GALNT2: variants seen among roughly 807,000 people sequenced by gnomAD.
The protein encoded by GALNT2 is polypeptide N-acetylgalactosaminyltransferase 2.
GALNT2 carries 31 observed loss-of-function variants against 81.4 expected under a neutral mutation model. The observed-to-expected ratio is 0.38, with a 90% CI of 0.29 to 0.51. The LOEUF (loss-of-function observed/expected upper bound fraction) is 0.51, where lower values mean the gene tolerates loss of function less well. GALNT2 is among the 20% of genes least tolerant of loss of function. The pLI is 0.87. For missense variants in GALNT2, 629 were observed against 765.7 expected, an observed-to-expected ratio of 0.82 and a Z score of 2.11; for synonymous variants, 303 against 287.4, an observed-to-expected ratio of 1.05 and a Z score of -0.55.
chr1:230,142,911 G>T (rs763933052), intron 1 of GALNT2, among the ~76,000 whole-genome samples: 6 of 152,204 alleles, frequency 3.9e-5, no homozygotes, highest in Non-Finnish European at 8.8e-5. Flanking sequence ...CCTGGGAGAA[G>T]GTTTGAGCTC....
At chr1:230,153,809 G>A (rs1662164087) in intron 1 of GALNT2, among the ~76,000 whole-genome samples, 1 of 152,214 alleles carries the variant, frequency 6.6e-6, no homozygotes, top group South Asian at 2.1e-4. Context: ...TGGCCTCGGG[G>A]GCCCCTGGTT....
At chr1:230,079,255 G>C (rs1313215388) in intron 1 of GALNT2, among the ~76,000 whole-genome samples, 1 of 152,258 alleles carries the variant, frequency 6.6e-6, no homozygotes, top group Admixed American at 6.5e-5. Context: ...TCTTCTGTAA[G>C]GTATAATTCC....
chr1:230,127,320 C>T (rs1026896607), intron 1 of GALNT2, among the ~76,000 whole-genome samples: 2 of 152,004 alleles, frequency 1.3e-5, no homozygotes, highest in Non-Finnish European at 2.9e-5. Context: ...TGACACCTCC[C>T]CCTTCATCCC....
chr1:230,131,896 C>T (rs916562382), intron 1 of GALNT2, among the ~76,000 whole-genome samples: 3 of 152,162 alleles, frequency 2.0e-5, no homozygotes, highest in Non-Finnish European at 2.9e-5. Context: ...ATGACCCAGA[C>T]GCAAGTGTTT....
At chr1:230,081,995 C>CA (rs1353123907) in intron 1 of GALNT2, among the ~76,000 whole-genome samples, 1 of 152,196 alleles carries the variant, frequency 6.6e-6, no homozygotes, top group Non-Finnish European at 1.5e-5. Context: ...TCCCTTCCTG[C>CA]AGGTACTTCT....
At chr1:230,137,831 T>G (rs1439330636) in intron 1 of GALNT2, among the ~76,000 whole-genome samples, 2 of 152,252 alleles carry the variant, frequency 1.3e-5, no homozygotes, top group Admixed American at 1.3e-4. Context: ...TATCTTTCAC[T>G]CTTGAAAAGT....
intron 1 of GALNT2, among the ~76,000 whole-genome samples, chr1:230,134,201 C>T (rs896847375): frequency 7.9e-5 from 12 of 151,720 alleles, no homozygotes; most frequent in Admixed American, 7.9e-4. Flanking sequence ...CTCTGCCTCC[C>T]GGGTTCACGC....
At chr1:230,077,754 A>G (rs1169445666) in intron 1 of GALNT2, among the ~76,000 whole-genome samples, 1 of 152,200 alleles carries the variant, frequency 6.6e-6, no homozygotes, top group Non-Finnish European at 1.5e-5. Context: ...TTTCCTAAGG[A>G]AAAAAATCCA....
intron 1 of GALNT2, among the ~76,000 whole-genome samples, chr1:230,145,373 G>A (rs988769188): frequency 6.6e-6 from 1 of 152,222 alleles, no homozygotes; most frequent in Non-Finnish European, 1.5e-5. Flanking sequence ...TGGGCCTTCT[G>A]AGGGGGTTTG....
chr1:230,097,000 C>G (rs551812462), intron 1 of GALNT2, among the ~76,000 whole-genome samples: 1 of 152,178 alleles, frequency 6.6e-6, no homozygotes, highest in Admixed American at 6.5e-5. Context: ...CAGGATCATA[C>G]TAAGTTACTG....
chr1:230,207,892 T>A (rs1664114843), intron 3 of GALNT2, among the ~76,000 whole-genome samples: 2 of 151,274 alleles, frequency 1.3e-5, no homozygotes, highest in Non-Finnish European at 1.5e-5. Context: ...CATCCTAGTT[T>A]TGAAAGCACC....
rs1023823467 is a variant in GALNT2, at chr1:230,069,744, A to T, written c.126+2338A>T. Reference sequence around the variant, plus strand: ...TTTGTTTGGCTTGTAAAGTATGGACATAAAAAAAGATAGCGGGCCATGCAC... The same window carrying T: ...TTTGTTTGGCTTGTAAAGTATGGACTTAAAAAAAGATAGCGGGCCATGCAC... On this transcript the variant is annotated intron_variant, in intron 1 of 15. Coordinates refer to ENST00000366672, the MANE Select transcript of GALNT2 (RefSeq NM_004481.5). Among the ~76,000 whole-genome samples the T allele has an allele frequency of 2.6e-5, 4 of 152,168 alleles. No homozygotes were observed. The East Asian group carries it at 5.8e-4, about 22-fold the overall frequency.
chr1:230,263,371 C>T (rs891465346), intron 13 of GALNT2: 2 of 221,806 alleles, frequency 9.0e-6, no homozygotes, highest in Admixed American at 5.3e-5. Flanking sequence ...CGCAAGCATG[C>T]AGTGTCTGCA....
At chr1:230,107,087 A>G (rs1262623916) in intron 1 of GALNT2, among the ~76,000 whole-genome samples, 1 of 152,238 alleles carries the variant, frequency 6.6e-6, no homozygotes, top group Non-Finnish European at 1.5e-5. Context: ...TGCTGTCTTC[A>G]GAAGTTGCAT....
chr1:230,233,326 A>G (rs923860300), intron 3 of GALNT2, among the ~76,000 whole-genome samples: 1 of 152,230 alleles, frequency 6.6e-6, no homozygotes, highest in African/African-American at 2.4e-5. Context: ...CAGTGGGCTT[A>G]TATTAGGGCC....
chr1:230,237,659 T>A (rs1665074150), intron 6 of GALNT2, among the ~76,000 whole-genome samples: 1 of 152,128 alleles, frequency 6.6e-6, no homozygotes, highest in African/African-American at 2.4e-5. Flanking sequence ...ACATTCAAGA[T>A]ACATAAACAG....
intron 1 of GALNT2, among the ~76,000 whole-genome samples, chr1:230,083,304 G>A (rs994173198): frequency 6.7e-6 from 1 of 150,128 alleles, no homozygotes; most frequent in Non-Finnish European, 1.5e-5. Context: ...CAGGCAGCCA[G>A]GATGATGGAG....
At position 230,271,267 on chromosome 1, in the gene GALNT2, G is replaced by A. The variant is rs192211080; in HGVS notation, c.1441-3178G>A. Among the ~76,000 whole-genome samples, 8 of 152,224 alleles carry A rather than the reference G, an allele frequency of 5.3e-5. No homozygotes were observed. Among genetic ancestry groups the A allele is most frequent in the Admixed American group, 4.6e-4 (7 of 15,290 alleles). The stretch of plus-strand genomic sequence containing the variant: ...CCATCTGCCTATGGGAAACACACAC[G>A]GCTTCCTCTCTACACTCCACACCTT... On this transcript the variant is annotated intron_variant, in intron 14 of 15. Coordinates refer to ENST00000366672, the MANE Select transcript of GALNT2 (RefSeq NM_004481.5). The surrounding 1 kb of genome is among the most constrained non-coding windows in gnomAD (Gnocchi z 4.2).
At chr1:230,058,472 C>G (rs1658971492) in intron 1 of GALNT2, among the ~76,000 whole-genome samples, 1 of 152,310 alleles carries the variant, frequency 6.6e-6, no homozygotes, top group East Asian at 1.9e-4. Flanking sequence ...CTTTCCCCCA[C>G]CGGCAAGTGT....
Sources: gnomAD v4.1 joint callset for allele counts (sites outside exome capture counted in the v4.1 genomes callset) on GRCh38, gnomAD v4.1.1 for gene constraint, Gnocchi (gnomAD v3.1) non-coding constraint, MANE v1.5 for transcripts, NCBI Gene and HGNC (gene_info 2026-07-23, HGNC 2026-07-21) for gene names.